The following NEBL variants were observed in gnomAD, a reference collection of about 807,000 sequenced individuals.
The protein encoded by NEBL is nebulette.
A neutral mutation model predicts 140.2 loss-of-function variants in NEBL; 122 were observed. That is an observed-to-expected ratio of 0.87 (90% CI 0.75 to 1.01). NEBL has a LOEUF of 1.01. NEBL is among the 50% of genes least tolerant of loss of function. The pLI, the probability that NEBL is intolerant of heterozygous loss-of-function variation, is 0.00. For missense variants in NEBL, 1,365 were observed against 1,231.3 expected (o/e 1.11, Z -1.62); for synonymous variants, 436 against 398.9 (o/e 1.09, Z -1.11).
chr10:21,006,683 C>T (rs1258965466), intron 3 of NEBL, among the ~76,000 whole-genome samples: 1 of 152,192 alleles, frequency 6.6e-6, no homozygotes, highest in African/African-American at 2.4e-5. Context: ...CACCAAATTT[C>T]CACAGTGGTC....
At chr10:21,177,561 G>A (rs1420060947), upstream of NEBL, among the ~76,000 whole-genome samples, 2 of 149,748 alleles carry the variant, frequency 1.3e-5, no homozygotes, top group East Asian at 2.0e-4. Flanking sequence ...ATGGAGTCTC[G>A]CTCTGTCCCC....
intron 2 of NEBL, among the ~76,000 whole-genome samples, chr10:21,060,512 C>T (rs57183869): frequency 0.013 from 1,995 of 152,264 alleles, 39 homozygotes; most frequent in African/African-American, 0.045. Context: ...TACTCAAAGA[C>T]ATCACTCTAC....
intron 2 of NEBL, chr10:21,113,139 G>A (rs1838114044): frequency 3.6e-6 from 1 of 278,474 alleles, no homozygotes; most frequent in Admixed American, 4.6e-5. Context: ...GGGAAGAGGA[G>A]GAGGAGGAGA....
At chr10:21,233,553 T>C (rs11595448) in intron 3 of NEBL, among the ~76,000 whole-genome samples, 5,903 of 148,386 alleles carry the variant, frequency 0.04, 182 homozygotes, top group South Asian at 0.14. Context: ...CATATATACA[T>C]ACATATATAG....
At chr10:20,995,423 G>C (rs1345289021) in intron 3 of NEBL, among the ~76,000 whole-genome samples, 1 of 152,068 alleles carries the variant, frequency 6.6e-6, no homozygotes, top group Non-Finnish European at 1.5e-5. Flanking sequence ...TACAAAATGA[G>C]AGCTGCCACA....
intron 3 of NEBL, among the ~76,000 whole-genome samples, chr10:21,202,476 T>TC (rs1395508020): frequency 6.8e-6 from 1 of 147,478 alleles, no homozygotes; most frequent in Non-Finnish European, 1.5e-5. Context: ...TTTTTTTTTT[T>TC]TTTTTGAAAC....
chr10:20,856,427 C>A (rs1418612585), intron 9 of NEBL, among the ~76,000 whole-genome samples: 1 of 152,152 alleles, frequency 6.6e-6, no homozygotes, highest in Non-Finnish European at 1.5e-5. Flanking sequence ...ACACATGAAT[C>A]CCCATGTCCC....
At chr10:20,820,403 C>T (rs1488568375) in intron 19 of NEBL, among the ~76,000 whole-genome samples, 4 of 152,142 alleles carry the variant, frequency 2.6e-5, no homozygotes, top group African/African-American at 4.8e-5. Flanking sequence ...AAAAGTAGAG[C>T]TGGAGGTTAA....
chr10:20,894,345 C>G (rs370515471), intron 2 of NEBL, among the ~76,000 whole-genome samples: 14 of 152,052 alleles, frequency 9.2e-5, no homozygotes, highest in African/African-American at 3.4e-4. Context: ...TGGTAGCACA[C>G]ACCTGTAGTC....
At chr10:21,056,436 C>T (rs970806354) in intron 2 of NEBL, among the ~76,000 whole-genome samples, 1 of 152,176 alleles carries the variant, frequency 6.6e-6, no homozygotes, top group Admixed American at 6.5e-5. Context: ...TGACTGTCCT[C>T]CCGGAACTTT....
intron 19 of NEBL, among the ~76,000 whole-genome samples, chr10:20,820,290 C>T (rs536469972): frequency 6.6e-6 from 1 of 152,250 alleles, no homozygotes; most frequent in South Asian, 2.1e-4. Context: ...GGGGATCTAA[C>T]TCCATTGTTT....
intron 2 of NEBL, among the ~76,000 whole-genome samples, chr10:21,058,677 T>C (rs1462116648): frequency 2.0e-5 from 3 of 152,204 alleles, no homozygotes; most frequent in African/African-American, 7.2e-5. Flanking sequence ...TCTTAAAAGT[T>C]CCCAATTATA....
intron 4 of NEBL, among the ~76,000 whole-genome samples, chr10:20,945,183 C>G (rs2131580159): frequency 6.6e-6 from 1 of 152,300 alleles, no homozygotes; most frequent in South Asian, 2.1e-4. Flanking sequence ...TCACCACTGC[C>G]AAGTCAGTCC....
chr10:20,954,309 T>C (rs896878450), intron 4 of NEBL, among the ~76,000 whole-genome samples: 1 of 152,110 alleles, frequency 6.6e-6, no homozygotes, highest in Non-Finnish European at 1.5e-5. Flanking sequence ...TAAAAATATT[T>C]GTTGACACAA....
In NEBL at chr10:21,042,258, C is replaced by T. The variant is rs118112465; in HGVS notation, c.165-22057G>A. ...TACTCTCATTTTCCTCACTTTGGGACTGAGGAACGTACGTCTTGGAGAGTA... is the reference window on the plus strand; with the variant it reads ...TACTCTCATTTTCCTCACTTTGGGATTGAGGAACGTACGTCTTGGAGAGTA... On this transcript the variant is annotated intron_variant, in intron 2 of 6. Transcript: ENST00000417816. Among the ~76,000 whole-genome samples the T allele has an allele frequency of 1.5e-3, 221 of 152,298 alleles. 5 individuals carry two copies. In the East Asian group the frequency reaches 0.036, roughly 25 times the overall value.
chr10:21,067,935 C>T (rs1835643420), intron 2 of NEBL, among the ~76,000 whole-genome samples: 8 of 151,986 alleles, frequency 5.3e-5, no homozygotes, highest in Admixed American at 5.2e-4. Context: ...GCCGTGACTG[C>T]ACCATGCACT....
intron 4 of NEBL, among the ~76,000 whole-genome samples, chr10:20,942,490 A>G (rs1471530136): frequency 6.6e-6 from 1 of 152,244 alleles, no homozygotes; most frequent in South Asian, 2.1e-4. Flanking sequence ...AAAACCCTAG[A>G]AGAAAACCTA....
chr10:20,875,277 A>G (rs994379437), intron 5 of NEBL, among the ~76,000 whole-genome samples: 1 of 152,102 alleles, frequency 6.6e-6, no homozygotes, highest in Non-Finnish European at 1.5e-5. Flanking sequence ...AGAGCATCCA[A>G]GGTGCCCGGC....
chr10:21,140,476 T>A (rs1839580231), intron 2 of NEBL, among the ~76,000 whole-genome samples: 1 of 152,224 alleles, frequency 6.6e-6, no homozygotes, highest in South Asian at 2.1e-4. Context: ...CAATTTTAAA[T>A]GTTTAAGAAG....
Sources: allele counts gnomAD v4.1 joint callset (sites outside exome capture counted in the v4.1 genomes callset), GRCh38; gene constraint gnomAD v4.1.1; transcripts MANE v1.5; gene names NCBI Gene and HGNC (gene_info 2026-07-23, HGNC 2026-07-21).